Variants in OSBP observed in about 807,000 individuals in gnomAD.
OSBP encodes the protein oxysterol binding protein.
A neutral mutation model predicts 96.6 loss-of-function variants in OSBP; 32 were observed. That is an observed-to-expected ratio of 0.33 (90% confidence interval 0.25 to 0.45). OSBP has a LOEUF of 0.45. Ranked by LOEUF, OSBP falls within the 20% of genes least tolerant of loss-of-function variation. The probability of loss-of-function intolerance (pLI) is 1.00; values close to 1 mark genes in which losing one functional copy is unlikely to be tolerated. For synonymous variants in OSBP, 369 were observed against 389.6 expected (o/e 0.95, Z 0.62); for missense variants, 653 against 1,029.7 (o/e 0.63, Z 5.01).
In OSBP at chr11:59,594,146, C is replaced by T; in HGVS notation, c.1421G>A (p.Cys474Tyr). The T allele has an allele frequency of 6.2e-7, 1 of 1,614,128 alleles. No homozygotes were observed. Among genetic ancestry groups the T allele is most frequent in the East Asian group, 2.2e-5 (1 of 44,876 alleles). Reference sequence around the variant, plus strand: ...GGACACGGTGAAAGCTGCAACATAACAGAGCTGTTCTAGAGAATTCTCACA... The same window carrying T: ...GGACACGGTGAAAGCTGCAACATAATAGAGCTGTTCTAGAGAATTCTCACA... ...AKCENSLEQLCYVAAFTVSSY... is the reference protein window; with the variant it reads ...AKCENSLEQLYYVAAFTVSSY... Residue 474 changes from cysteine (C) to tyrosine (Y), a missense_variant, in exon 8 of 14, where the codon TGT (cysteine) becomes TAT (tyrosine). Physicochemically the swap from Cys to Tyr is radical, Grantham distance 194 (BLOSUM62 -2). Transcript: ENST00000263847.
At chr11:59,585,693 C>G (rs1176744194) in intron 9 of OSBP, among the ~76,000 whole-genome samples, 5 of 152,238 alleles carry the variant, frequency 3.3e-5, no homozygotes, top group African/African-American at 1.2e-4. Flanking sequence ...GAGAACTGGC[C>G]ATGATGACAA....
intron 5 of OSBP, among the ~76,000 whole-genome samples, 160 bp from the exon 6 acceptor site, chr11:59,601,033 T>A (rs558787324): frequency 6.8e-6 from 1 of 147,806 alleles, no homozygotes; most frequent in Non-Finnish European, 1.5e-5. Flanking sequence ...TAAGTATCTC[T>A]GGAGAATTTG....
chr11:59,600,701 CG>C, intron 6 of OSBP, 74 bp from the exon 7 acceptor site: 1 of 1,567,474 alleles, frequency 6.4e-7, no homozygotes, highest in East Asian at 2.2e-5. Context: ...TCCCTTCCCC[CG>C]TGCTAAAAAA....
Position 59,608,571 on chromosome 11 carries a change from C to T in OSBP, c.735G>A (p.Leu245=). ...LQRSLSELES[L]KLPAESNEKI... ...TTTCATTGCTCTCAGCAGGCAACTT[C>T]AGGGACTCCAGCTCACTGAGAGAAC... The change falls in exon 3 of 14, where the codon CTG becomes CTA. Residue 245 remains leucine (L), a synonymous_variant. Coordinates refer to ENST00000263847, the MANE Select transcript of OSBP (RefSeq NM_002556.3). The T allele has an allele frequency of 6.2e-7, 1 of 1,614,154 alleles. No homozygotes were observed. The highest frequency in any genetic ancestry group is 2.2e-5 in the East Asian group (1 of 44,886).
intron 9 of OSBP, among the ~76,000 whole-genome samples, chr11:59,588,451 G>A (rs890759738): frequency 9.2e-5 from 14 of 151,512 alleles, no homozygotes; most frequent in African/African-American, 2.9e-4. Flanking sequence ...CACAAGAATC[G>A]CTTGAACCTG....
In OSBP at chr11:59,575,920, G is replaced by A. The variant is rs1434663496; in HGVS notation, c.*657C>T. 4 of 152,126 alleles carry A rather than the reference G, an allele frequency of 2.6e-5. No homozygotes were observed. The highest frequency in any genetic ancestry group is 3.9e-4 in the East Asian group (2 of 5,194). The allele number at this position is 152,126 out of a possible 1,614,324, so 9.4% of individuals were successfully genotyped here. ...TAAAGATGATGGAGAACAACAGAGG[G>A]GTGTTTGATGCAAGTAAAAACAGAA... On this transcript the variant is annotated 3_prime_UTR_variant, in exon 14 of 14. Coordinates refer to ENST00000263847, the MANE Select transcript of OSBP (RefSeq NM_002556.3).
intron 7 of OSBP, among the ~76,000 whole-genome samples, chr11:59,598,359 A>G (rs1290875997): frequency 2.6e-5 from 4 of 152,110 alleles, no homozygotes; most frequent in Non-Finnish European, 4.4e-5. Context: ...TGCCTTCTGT[A>G]TTTTTGTAGG....
chr11:59,608,830 T>C (rs943570116), intron 2 of OSBP, 96 bp from the exon 3 acceptor site: 7 of 1,229,810 alleles, frequency 5.7e-6, no homozygotes, highest in Admixed American at 3.5e-5. Context: ...ACATTCCTCA[T>C]GCTGTGTGCA....
At chr11:59,600,445 T>C (rs746568144) in intron 7 of OSBP, 51 bp downstream of exon 7, 6 of 1,600,726 alleles carry the variant, frequency 3.7e-6, no homozygotes, top group Non-Finnish European at 4.3e-6. Context: ...CTCTTCCCAC[T>C]GAGGCTTGAG....
At chr11:59,595,841 G>A (rs1269167384) in intron 7 of OSBP, among the ~76,000 whole-genome samples, 1 of 151,714 alleles carries the variant, frequency 6.6e-6, no homozygotes, top group Non-Finnish European at 1.5e-5. Flanking sequence ...TTACTTGGGA[G>A]GCTGAGGTGG....
Position 59,615,540 on chromosome 11 carries a change from C to A in OSBP, c.125G>T (p.Gly42Val). The change falls in exon 1 of 14, where the codon GGC becomes GTC. Residue 42 changes from glycine (G) to valine (V), a missense_variant. Gly to Val is a moderately radical substitution (Grantham distance 109). Coordinates refer to ENST00000263847, the MANE Select transcript of OSBP (RefSeq NM_002556.3). Reference protein sequence around the residue: ...GGGGRGDAGPGSGAASGTVVA... With the variant: ...GGGGRGDAGPVSGAASGTVVA... Reference sequence around the variant, plus strand: ...CACCGTCCCTGACGCGGCCCCGGAGCCTGGCCCCGCATCTCCGCGGCCGCC... The same window carrying A: ...CACCGTCCCTGACGCGGCCCCGGAGACTGGCCCCGCATCTCCGCGGCCGCC... 7.5e-7 allele frequency: 1 copy of A among 1,339,714 alleles called. No individual in the cohort carries two copies. Among genetic ancestry groups the A allele is most frequent in the Non-Finnish European group, 9.6e-7 (1 of 1,040,972 alleles). The allele number at this position is 1,339,714 out of a possible 1,614,324, so 83.0% of individuals were successfully genotyped here.
intron 1 of OSBP, among the ~76,000 whole-genome samples, chr11:59,611,150 A>AAAAAGAAAG (rs1554981341): frequency 4.2e-4 from 63 of 150,704 alleles, no homozygotes; most frequent in African/African-American, 1.5e-3. Flanking sequence ...AAAAAAAAAA[A>AAAAAGAAAG]AAAGAAAGAA....
intron 9 of OSBP, among the ~76,000 whole-genome samples, chr11:59,581,809 A>G (rs964010203): frequency 6.6e-6 from 1 of 152,278 alleles, no homozygotes; most frequent in Non-Finnish European, 1.5e-5. Context: ...TACCTTAGCT[A>G]GGACGCTGTG....
intron 3 of OSBP, among the ~76,000 whole-genome samples, chr11:59,607,915 T>C (rs1473204562): frequency 6.6e-6 from 1 of 152,142 alleles, no homozygotes; most frequent in Non-Finnish European, 1.5e-5. Context: ...TCATCGAAAT[T>C]ATCCTCGAAT....
intron 7 of OSBP, among the ~76,000 whole-genome samples, chr11:59,597,314 G>A (rs1860671736): frequency 6.6e-6 from 1 of 152,018 alleles, no homozygotes; most frequent in Admixed American, 6.6e-5. Context: ...CAAAGTGCTG[G>A]GATTTTTTTA....
intron 9 of OSBP, among the ~76,000 whole-genome samples, chr11:59,589,113 C>CA (rs1212836036): frequency 1.3e-5 from 2 of 148,618 alleles, no homozygotes; most frequent in Non-Finnish European, 3.0e-5. Flanking sequence ...ATAATATATG[C>CA]AAAATGCTGA....
rs1860420013 is a variant in OSBP, at chr11:59,581,506, T to C, written c.1727A>G (p.Lys576Arg). 1 of 1,613,192 alleles carries C rather than the reference T, an allele frequency of 6.2e-7. No homozygotes were observed. The highest frequency in any genetic ancestry group is 8.5e-7 in the Non-Finnish European group (1 of 1,179,224). The change falls in exon 10 of 14, where the codon AAG becomes AGG. Residue 576 changes from lysine (K) to arginine (R), a missense_variant. Coordinates refer to ENST00000263847, the MANE Select transcript of OSBP (RefSeq NM_002556.3). ...GTTGTGTACAGTTGTGGTAACTTTC[T>C]TCCAAGTGTAGTGGTGCCCAGTTGC... is the stretch of plus-strand genomic sequence containing the variant. ...FHATGHHYTWKKVTTTVHNII... is the reference protein window; with the variant it reads ...FHATGHHYTWRKVTTTVHNII...
chr11:59,585,164 C>T (rs1310822882), intron 9 of OSBP, among the ~76,000 whole-genome samples: 1 of 151,064 alleles, frequency 6.6e-6, no homozygotes, highest in African/African-American at 2.4e-5. Flanking sequence ...CGTCTCTGCC[C>T]GGCCGCCATC....
intron 9 of OSBP, among the ~76,000 whole-genome samples, chr11:59,591,449 G>A (rs1433754228): frequency 6.6e-6 from 1 of 152,082 alleles, no homozygotes; most frequent in Non-Finnish European, 1.5e-5. Context: ...GATATAAAAT[G>A]GTGCAAAGTA....
Sources: allele counts gnomAD v4.1 joint callset (sites outside exome capture counted in the v4.1 genomes callset), GRCh38; gene constraint gnomAD v4.1.1; transcripts MANE v1.5; gene names NCBI Gene and HGNC (gene_info 2026-07-23, HGNC 2026-07-21).